The following MYO10 variants were observed in gnomAD, a reference collection of about 807,000 sequenced individuals.
The protein encoded by MYO10 is myosin X, also known as unconventional myosin-X.
A neutral mutation model predicts 257.3 loss-of-function variants in MYO10; 133 were observed. The observed-to-expected ratio is 0.52, with a 90% confidence interval of 0.45 to 0.60. The LOEUF (loss-of-function observed/expected upper bound fraction) is 0.60. Among genes scored for constraint, MYO10 ranks in the 20% least tolerant of loss-of-function variants. The probability of loss-of-function intolerance (pLI) is 0.00; values close to 1 mark genes in which losing one functional copy is unlikely to be tolerated. For synonymous variants in MYO10, 1,104 were observed against 1,028.6 expected (o/e 1.07, Z -1.40); for missense variants, 2,399 against 2,635.7 (o/e 0.91, Z 1.97).
At chr5:16,788,029 G>A (rs1741641405) in intron 4 of MYO10, among the ~76,000 whole-genome samples, 1 of 152,080 alleles carries the variant, frequency 6.6e-6, no homozygotes, top group Non-Finnish European at 1.5e-5. Context: ...TCTGACCTCA[G>A]GTGATCTACC....
chr5:16,764,231 G>A lies in MYO10; in HGVS notation c.1326+19C>T. On this transcript the variant is annotated intron_variant, in intron 12 of 40. Coordinates refer to ENST00000513610, the MANE Select transcript of MYO10 (RefSeq NM_012334.3). ...ATGGACAGAAGAGAATTCACGTGCT[G>A]CACTGTTAGGAAACCTACCTCAAAG... 1.2e-6 allele frequency: 2 copies of A among 1,613,248 alleles called. No homozygotes were observed. The highest frequency in any genetic ancestry group is 2.2e-5 in the South Asian group (2 of 90,936).
chr5:16,817,692 C>T (rs1171616635), intron 3 of MYO10, among the ~76,000 whole-genome samples: 1 of 152,206 alleles, frequency 6.6e-6, no homozygotes, highest in East Asian at 1.9e-4. Flanking sequence ...CAGTCTACAA[C>T]TCCATGACTT....
At position 16,764,273 on chromosome 5, in the gene MYO10, T is replaced by C. The variant is rs758167831; in HGVS notation, c.1303A>G (p.Ile435Val). The change falls in exon 12 of 41, where the codon ATC (isoleucine) becomes GTC (valine). Residue 435 changes from isoleucine (I) to valine (V), a missense_variant. Transcript: ENST00000513610. ...EDFKSIGILD[I>V]FGFENFEVNH... ...ACCTCAAAGTTTTCAAATCCAAAGATGTCGAGGATGCCAATAGACTTGAAG... is the reference window on the plus strand; with the variant it reads ...ACCTCAAAGTTTTCAAATCCAAAGACGTCGAGGATGCCAATAGACTTGAAG... The C allele has an allele frequency of 6.2e-7, 1 of 1,614,036 alleles. No homozygotes were observed. Among genetic ancestry groups the C allele is most frequent in the Admixed American group, 1.7e-5 (1 of 60,022 alleles).
intron 19 of MYO10, among the ~76,000 whole-genome samples, chr5:16,730,019 C>T (rs554236260): frequency 6.6e-6 from 1 of 152,260 alleles, no homozygotes; most frequent in South Asian, 2.1e-4. Flanking sequence ...CTGATTCTTT[C>T]CAGGATTAAT....
rs1745052774 is a variant in MYO10 at position 16,891,373 on chromosome 5, AAG to A, written c.22-13668_22-13667del. 4.4e-5 allele frequency among the ~76,000 whole-genome samples: 5 copies of A among 114,192 alleles called. No homozygotes were observed. In the South Asian group the frequency reaches 1.3e-3, roughly 31 times the overall value. The allele number at this position is 114,192 out of a possible 152,430, so 74.9% of individuals were successfully genotyped here. A position where few individuals can be genotyped will look rare whatever the true frequency, so the allele number is the denominator to read the frequency against. On this transcript the variant is annotated intron_variant, in intron 1 of 40. Transcript: ENST00000513610. ...GAAGGAAGGAAGGAAGGAAGGAAGG[AAG>A]GAAGGAGAGAGAGAGGAAGGAGGAA...
At chr5:16,919,474 G>C (rs939973372) in intron 1 of MYO10, among the ~76,000 whole-genome samples, 1 of 152,098 alleles carries the variant, frequency 6.6e-6, no homozygotes, top group Admixed American at 6.6e-5. Context: ...CTCCTATCCT[G>C]GCTCTATCAT....
At chr5:16,879,819 C>T (rs1364293885) in intron 1 of MYO10, among the ~76,000 whole-genome samples, 2 of 152,186 alleles carry the variant, frequency 1.3e-5, no homozygotes, top group Non-Finnish European at 2.9e-5. Context: ...ACATTTAAGA[C>T]GACACAAAAT....
At chr5:16,758,749 G>T (rs1212200578) in intron 17 of MYO10, among the ~76,000 whole-genome samples, 2 of 152,120 alleles carry the variant, frequency 1.3e-5, no homozygotes, top group Non-Finnish European at 2.9e-5. Flanking sequence ...TCTGGAAAAT[G>T]GAGATAATTT....
chr5:16,926,234 T>C (rs181361327), intron 1 of MYO10, among the ~76,000 whole-genome samples: 1 of 152,356 alleles, frequency 6.6e-6, no homozygotes. Flanking sequence ...TTACGGATAT[T>C]CAACCTGGAT....
intron 2 of MYO10, among the ~76,000 whole-genome samples, chr5:16,844,021 A>G (rs1212724211): frequency 2.0e-5 from 3 of 152,238 alleles, no homozygotes; most frequent in Non-Finnish European, 2.9e-5. Flanking sequence ...GGGGGAAAAC[A>G]GACAGCAGAT....
chr5:16,679,337 G>A (rs17429287), intron 33 of MYO10, among the ~76,000 whole-genome samples: 7,330 of 152,264 alleles, frequency 0.048, 209 homozygotes, highest in South Asian at 0.1. Flanking sequence ...TGAGCAGGGA[G>A]CCCCACAGTG....
chr5:16,914,605 C>T (rs1745764716), intron 1 of MYO10, among the ~76,000 whole-genome samples: 1 of 152,172 alleles, frequency 6.6e-6, no homozygotes, highest in African/African-American at 2.4e-5. Flanking sequence ...TATGTCTTTC[C>T]TACATTTAAG....
intron 4 of MYO10, among the ~76,000 whole-genome samples, chr5:16,790,984 A>G (rs1159559211): frequency 6.6e-6 from 1 of 151,980 alleles, no homozygotes; most frequent in African/African-American, 2.4e-5. Context: ...CAAAAATGGC[A>G]AAATTAAAAC....
chr5:16,758,085 A>G (rs941506103), intron 18 of MYO10, 33 bp downstream of exon 18: 1 of 1,458,812 alleles, frequency 6.9e-7, no homozygotes. Flanking sequence ...TACAGTAACG[A>G]CGGATTCCTC....
In MYO10 at chr5:16,702,980, C is replaced by T. The variant is rs1738156749; in HGVS notation, c.2455G>A (p.Glu819Lys). 6.4e-7 allele frequency: 1 copy of T among 1,551,954 alleles called. No individual in the cohort carries two copies. The highest frequency in any genetic ancestry group is 1.4e-5 in the African/African-American group (1 of 73,014). ...RQLLAEKREQEEKKKQEEEEK... is the reference protein window; with the variant it reads ...RQLLAEKREQKEKKKQEEEEK... ...TCCTCTTCCTGTTTCTTCTTTTCTT[C>T]TTGCTCCCTTTTCTCTGCCAGCAAT... is the stretch of plus-strand genomic sequence containing the variant. The change falls in exon 23 of 41, where the codon GAA (glutamate) becomes AAA (lysine). Residue 819 changes from glutamate to lysine, a missense_variant. By Grantham distance (56) the Glu-to-Lys change is moderately conservative. Coordinates refer to ENST00000513610, the MANE Select transcript of MYO10 (RefSeq NM_012334.3).
chr5:16,928,848 A>C (rs536496190), intron 1 of MYO10, among the ~76,000 whole-genome samples: 16 of 142,856 alleles, frequency 1.1e-4, no homozygotes, highest in Admixed American at 2.1e-4. Context: ...CCATCTCAAA[A>C]AACAACAACA....
chr5:16,913,632 C>G (rs886455239), intron 1 of MYO10, among the ~76,000 whole-genome samples: 5 of 152,192 alleles, frequency 3.3e-5, no homozygotes, highest in African/African-American at 9.7e-5. Context: ...GAAACACAGC[C>G]AACCCCAGGC....
At chr5:16,902,645 G>A (rs1745415234) in intron 1 of MYO10, 3 of 1,389,040 alleles carry the variant, frequency 2.2e-6, no homozygotes, top group South Asian at 1.1e-5. Context: ...TTGTCATCTT[G>A]GAAGCATGGA....
At chr5:16,817,111 C>G (rs1326122265) in intron 3 of MYO10, among the ~76,000 whole-genome samples, 1 of 152,186 alleles carries the variant, frequency 6.6e-6, no homozygotes, top group Admixed American at 6.5e-5. Context: ...AGCCACAGCA[C>G]CTGGCAAAGG....
Sources: allele counts gnomAD v4.1 joint callset (sites outside exome capture counted in the v4.1 genomes callset), GRCh38; gene constraint gnomAD v4.1.1; transcripts MANE v1.5; gene names NCBI Gene and HGNC (gene_info 2026-07-23, HGNC 2026-07-21).